The following CRACDL variants were observed in gnomAD, a reference collection of about 807,000 sequenced individuals.
The protein encoded by CRACDL is CRACD-like protein.
In CRACDL, 26 loss-of-function variants were observed where a neutral mutation model predicts 70.6. The ratio of observed to expected loss-of-function variants is 0.37; its 90% confidence interval spans 0.27 to 0.51. CRACDL has a LOEUF of 0.51. Ranked by LOEUF, CRACDL falls within the 20% of genes least tolerant of loss-of-function variation. CRACDL has a pLI of 0.94. For synonymous variants in CRACDL, 618 were observed against 615.2 expected (o/e 1.00, Z -0.07); for missense variants, 1,283 against 1,376.9 (o/e 0.93, Z 1.08).
chr2:98,826,876 T>G, intron 6 of CRACDL, 99 bp downstream of exon 6: 30 of 730,892 alleles, frequency 4.1e-5, no homozygotes, highest in Non-Finnish European at 6.2e-5. Context: ...AGAGGGGGCA[T>G]GAGACCCTGT....
chr2:98,811,980 T>C (rs920104112), intron 7 of CRACDL, among the ~76,000 whole-genome samples: 1 of 152,192 alleles, frequency 6.6e-6, no homozygotes, highest in African/African-American at 2.4e-5. Context: ...TTATGTCATT[T>C]GTATTTTTAC....
chr2:98,896,173 G>A lies in CRACDL; in HGVS notation c.-11+39765C>T, dbSNP rs371530120. ...TTTGAGGACAGAACACACAGGACACGGTGCCTGAAGCAAGGCCAGGAAGTG... is the reference window on the plus strand; with the variant it reads ...TTTGAGGACAGAACACACAGGACACAGTGCCTGAAGCAAGGCCAGGAAGTG... On this transcript the variant is annotated intron_variant, in intron 1 of 9. Coordinates refer to ENST00000397899, the MANE Select transcript of CRACDL (RefSeq NM_207362.3). 2.2e-4 allele frequency among the ~76,000 whole-genome samples: 34 copies of A among 152,166 alleles called. No individual in the cohort carries two copies. The East Asian group carries it at 4.5e-3, about 20-fold the overall frequency.
chr2:98,929,360 C>T (rs1003956330), intron 1 of CRACDL, among the ~76,000 whole-genome samples: 1 of 152,192 alleles, frequency 6.6e-6, no homozygotes, highest in Non-Finnish European at 1.5e-5. Context: ...GCACCTACTC[C>T]CTTACCTGTC....
At chr2:98,831,322 C>A (rs543035992) in intron 5 of CRACDL, among the ~76,000 whole-genome samples, 1 of 152,326 alleles carries the variant, frequency 6.6e-6, no homozygotes, top group Admixed American at 6.5e-5. Context: ...GGGGAACTCA[C>A]AACTACACAC....
chr2:98,905,894 G>A (rs528780788), intron 1 of CRACDL, among the ~76,000 whole-genome samples: 1 of 152,170 alleles, frequency 6.6e-6, no homozygotes, highest in Non-Finnish European at 1.5e-5. Flanking sequence ...TGGGATTACA[G>A]GCGTGAGTCA....
chr2:98,832,729 G>T, intron 4 of CRACDL, 133 bp downstream of exon 4: 1 of 1,213,390 alleles, frequency 8.2e-7, no homozygotes, highest in Non-Finnish European at 1.2e-6. Flanking sequence ...CATTTGGTGT[G>T]TCCTGGGGGA....
chr2:98,848,532 G>A (rs985212508), intron 1 of CRACDL, among the ~76,000 whole-genome samples: 2 of 152,184 alleles, frequency 1.3e-5, no homozygotes, highest in South Asian at 2.1e-4. Flanking sequence ...TCCATTGCCT[G>A]AATTTGGAGT....
chr2:98,891,542 G>A (rs1339213682), intron 1 of CRACDL, among the ~76,000 whole-genome samples: 2 of 151,976 alleles, frequency 1.3e-5, no homozygotes, highest in African/African-American at 4.8e-5. Flanking sequence ...CCTTGTTTGG[G>A]GATATGCTAA....
chr2:98,923,270 C>CAAAAAA (rs1188228876), intron 1 of CRACDL, among the ~76,000 whole-genome samples: 1 of 75,568 alleles, frequency 1.3e-5, no homozygotes, highest in African/African-American at 4.5e-5. Flanking sequence ...GACACTGTCT[C>CAAAAAA]AAAAAAAAAA....
chr2:98,794,465 A>G lies in CRACDL; in HGVS notation c.*67T>C, dbSNP rs201042506. On this transcript the variant is annotated 3_prime_UTR_variant, in exon 10 of 10. Coordinates refer to ENST00000397899, the MANE Select transcript of CRACDL (RefSeq NM_207362.3). ...AGTTTCACAGTTTGTTTGCCACAATACACTGGCAGTTTTTAACTAAGTGGC... is the reference window on the plus strand; with the variant it reads ...AGTTTCACAGTTTGTTTGCCACAATGCACTGGCAGTTTTTAACTAAGTGGC... The G allele has an allele frequency of 5.6e-5, 78 of 1,383,082 alleles. No homozygotes were observed. Among genetic ancestry groups the G allele is most frequent in the Non-Finnish European group, 9.2e-6 (9 of 983,004 alleles). 85.7% of individuals were successfully genotyped at this position (1,383,082 alleles called of 1,614,324 possible). A position where few individuals can be genotyped will look rare whatever the true frequency, so the allele number is the denominator to read the frequency against.
chr2:98,888,208 A>G (rs1479013066), intron 1 of CRACDL, among the ~76,000 whole-genome samples: 1 of 152,268 alleles, frequency 6.6e-6, no homozygotes, highest in African/African-American at 2.4e-5. Context: ...GAAAGAATAA[A>G]GAGTACTAGT....
chr2:98,931,909 C>T (rs1367852813), intron 1 of CRACDL, among the ~76,000 whole-genome samples: 1 of 152,198 alleles, frequency 6.6e-6, no homozygotes, highest in Non-Finnish European at 1.5e-5. Flanking sequence ...TCATTATCCA[C>T]TTGGCTCAGG....
chr2:98,857,944 A>AT (rs1706773706), intron 1 of CRACDL, among the ~76,000 whole-genome samples: 1 of 152,230 alleles, frequency 6.6e-6, no homozygotes, highest in Non-Finnish European at 1.5e-5. Flanking sequence ...AATATATTTA[A>AT]AGGAATTTAG....
chr2:98,890,262 C>T (rs1707926556), intron 1 of CRACDL, among the ~76,000 whole-genome samples: 1 of 152,066 alleles, frequency 6.6e-6, no homozygotes, highest in Non-Finnish European at 1.5e-5. Context: ...TTTAGTTAGA[C>T]TGACCAAGAA....
chr2:98,899,041 A>C (rs1708199806), intron 1 of CRACDL, among the ~76,000 whole-genome samples: 1 of 152,168 alleles, frequency 6.6e-6, no homozygotes, highest in Non-Finnish European at 1.5e-5. Flanking sequence ...AGACGCCAGC[A>C]ACACACCCTC....
intron 2 of CRACDL, among the ~76,000 whole-genome samples, chr2:98,839,066 G>A (rs550452537): frequency 4.6e-5 from 7 of 152,206 alleles, no homozygotes; most frequent in South Asian, 4.1e-4. Flanking sequence ...ATGCAGCATC[G>A]TAGACTACCA....
intron 1 of CRACDL, among the ~76,000 whole-genome samples, chr2:98,913,232 T>C (rs1007293297): frequency 1.3e-5 from 2 of 152,134 alleles, no homozygotes; most frequent in Admixed American, 6.5e-5. Context: ...GAATCCTCAG[T>C]CTGTGCAGGA....
chr2:98,919,218 T>C (rs1307262903), intron 1 of CRACDL, among the ~76,000 whole-genome samples: 1 of 152,232 alleles, frequency 6.6e-6, no homozygotes, highest in Non-Finnish European at 1.5e-5. Flanking sequence ...CATGCTGTTT[T>C]GGTTACTTTA....
rs916510859 is a variant in CRACDL at position 98,832,763 on chromosome 2, C to T, written c.375+99G>A. ...GAGCTGTCATGTACATGTGATTCTA[C>T]TTTACAGCATATCAAATAAACCAAG... On this transcript the variant is annotated intron_variant, in intron 4 of 9. Coordinates refer to ENST00000397899, the MANE Select transcript of CRACDL (RefSeq NM_207362.3). 7.5e-6 allele frequency: 11 copies of T among 1,476,396 alleles called. No individual in the cohort carries two copies. The East Asian group carries it at 2.5e-4, about 33-fold the overall frequency. 91.5% of individuals were successfully genotyped at this position (1,476,396 alleles called of 1,614,324 possible).
Sources: gnomAD v4.1 joint callset for allele counts (sites outside exome capture counted in the v4.1 genomes callset) on GRCh38, gnomAD v4.1.1 for gene constraint, MANE v1.5 for transcripts, NCBI Gene and HGNC (gene_info 2026-07-23, HGNC 2026-07-21) for gene names.